The following SLC2A9 variants were observed in gnomAD, a reference collection of about 807,000 sequenced individuals.
SLC2A9 encodes solute carrier family 2 member 9, also known as solute carrier family 2, facilitated glucose transporter member 9.
SLC2A9 carries 39 observed loss-of-function variants against 50.6 expected under a neutral mutation model. The observed-to-expected ratio is 0.77, with a 90% CI of 0.60 to 1.01. The LOEUF is 1.01. Among genes scored for constraint, SLC2A9 ranks in the 50% least tolerant of loss-of-function variants. The pLI, the probability that SLC2A9 is intolerant of heterozygous loss-of-function variation, is 0.00. For synonymous variants in SLC2A9, 324 were observed against 276.9 expected, an observed-to-expected ratio of 1.17 and a Z score of -1.69; for missense variants, 686 against 677.6, an observed-to-expected ratio of 1.01 and a Z score of -0.14.
At chr4:9,845,783 T>G (rs1728895249) in intron 10 of SLC2A9, among the ~76,000 whole-genome samples, 1 of 152,214 alleles carries the variant, frequency 6.6e-6, no homozygotes, top group African/African-American at 2.4e-5. Context: ...CCTTAGAAAT[T>G]TCCTTAAGTG....
chr4:10,012,014 A>G (rs1481261199), intron 2 of SLC2A9, among the ~76,000 whole-genome samples: 1 of 152,264 alleles, frequency 6.6e-6, no homozygotes, highest in Non-Finnish European at 1.5e-5. Context: ...TTTCGTAAAT[A>G]AAATGTTATT....
rs567059752 is a variant in SLC2A9 at position 9,884,887 on chromosome 4, G to T, written c.1291+2680C>A. On this transcript the variant is annotated intron_variant, in intron 10 of 11. Transcript: ENST00000264784. ...CTTTGCAGGGACATGGATGGAGCTG[G>T]AAGCCATTATCCTCAGCAAACTAAC... Among the ~76,000 whole-genome samples, 3 of 152,286 alleles carry T rather than the reference G, an allele frequency of 2.0e-5. No homozygotes were observed. In the South Asian group the frequency reaches 6.2e-4, roughly 32 times the overall value.
chr4:9,825,241 C>T (rs769848686), downstream of SLC2A9, among the ~76,000 whole-genome samples: 1 of 152,186 alleles, frequency 6.6e-6, no homozygotes, highest in South Asian at 2.1e-4. Context: ...CGATGGCAGG[C>T]TGTAAGTAGA....
intron 8 of SLC2A9, among the ~76,000 whole-genome samples, chr4:9,901,326 C>T (rs1739574779): frequency 6.6e-6 from 1 of 152,092 alleles, no homozygotes; most frequent in African/African-American, 2.4e-5. Flanking sequence ...GCCATAGAAT[C>T]ATTATTTATC....
intron 3 of SLC2A9, among the ~76,000 whole-genome samples, chr4:9,793,062 C>T (rs143259552): frequency 4.2e-4 from 64 of 152,128 alleles, no homozygotes; most frequent in African/African-American, 1.3e-3. Context: ...TTAGTAGAGA[C>T]GGGGTTTCTC....
chr4:9,800,195 A>T (rs530647412), intron 3 of SLC2A9, among the ~76,000 whole-genome samples: 1 of 152,160 alleles, frequency 6.6e-6, no homozygotes, highest in Admixed American at 6.5e-5. Context: ...TGAAGCTTGA[A>T]CTCAGTGCAG....
intron 3 of SLC2A9, among the ~76,000 whole-genome samples, chr4:9,988,563 G>A (rs1326769723): frequency 6.6e-6 from 1 of 152,178 alleles, no homozygotes; most frequent in Non-Finnish European, 1.5e-5. Flanking sequence ...TTCAGAGCAG[G>A]ACTTTAATCA....
At chr4:9,775,196 G>A (rs1301230357), downstream of SLC2A9, among the ~76,000 whole-genome samples, 1 of 152,196 alleles carries the variant, frequency 6.6e-6, no homozygotes, top group Non-Finnish European at 1.5e-5. Flanking sequence ...TTGTGCTCTA[G>A]ACCAGAAAAC....
Position 10,039,782 on chromosome 4 carries a change from A to C in SLC2A9, c.-41+348T>G, listed in dbSNP as rs183417303. Among the ~76,000 whole-genome samples the C allele has an allele frequency of 3.0e-4, 46 of 152,256 alleles. 1 individual carries two copies. In the East Asian group the frequency reaches 3.9e-3, roughly 13 times the overall value. The stretch of plus-strand genomic sequence containing the variant: ...AGCATCCCTGGAGTCATCTTTCTCA[A>C]AAGCAGGCAGTGTCATTGCTTCTCT... On this transcript the variant is annotated intron_variant, in intron 1 of 12. Transcript: ENST00000309065.
At chr4:9,783,718 G>C (rs1390592239) in intron 3 of SLC2A9, 18 of 413,856 alleles carry the variant, frequency 4.3e-5, no homozygotes, top group Non-Finnish European at 6.2e-5. Context: ...AGAGAGTATG[G>C]TGCTGGGTCC....
chr4:9,795,225 GTAC>G (rs1380216712), downstream of SLC2A9, among the ~76,000 whole-genome samples: 1 of 151,584 alleles, frequency 6.6e-6, no homozygotes, highest in Non-Finnish European at 1.5e-5. Context: ...GTTGGCCAGG[GTAC>G]CTCGATCTCT....
Position 9,826,389 on chromosome 4 carries a change from G to T in SLC2A9, c.*8C>A. 6.2e-7 allele frequency: 1 copy of T among 1,613,906 alleles called. No homozygotes were observed. Among genetic ancestry groups the T allele is most frequent in the Middle Eastern group, 1.7e-4 (1 of 6,060 alleles). On this transcript the variant is annotated 3_prime_UTR_variant, in exon 12 of 12. Transcript: ENST00000264784. ...GACATAATTGTCCAACGTGGAGGAG[G>T]AAACTTGTTAAGGCCTTCCATTTAT...
intron 6 of SLC2A9, among the ~76,000 whole-genome samples, chr4:9,931,954 CTCTCTCTCTATA>C (rs1385347098): frequency 3.2e-4 from 16 of 50,552 alleles, no homozygotes; most frequent in South Asian, 9.1e-4. Context: ...CTCTCTCTCT[CTCTCTCTCTATA>C]TATATATATA....
chr4:9,782,918 A>C (rs2227851), intron 3 of SLC2A9: 4 of 1,613,858 alleles, frequency 2.5e-6, no homozygotes, highest in Non-Finnish European at 3.4e-6. Flanking sequence ...GGTTCTCAAG[A>C]CCCTGTCGGT....
chr4:9,973,319 T>C (rs951197852), intron 5 of SLC2A9, among the ~76,000 whole-genome samples: 4 of 151,864 alleles, frequency 2.6e-5, no homozygotes, highest in Non-Finnish European at 5.9e-5. Context: ...TACCAACCAA[T>C]AAAAGCCCTG....
At chr4:9,936,906 C>A (rs1577975149) in intron 6 of SLC2A9, among the ~76,000 whole-genome samples, 1 of 152,320 alleles carries the variant, frequency 6.6e-6, no homozygotes, top group South Asian at 2.1e-4. Flanking sequence ...TTGGGACTAT[C>A]ATGTCATCCC....
At chr4:9,980,454 C>T (rs1255891597) in intron 5 of SLC2A9, 138 bp downstream of exon 5, 5 of 1,165,198 alleles carry the variant, frequency 4.3e-6, no homozygotes, top group African/African-American at 1.5e-5. Flanking sequence ...AACTCCACAA[C>T]TTTTCTCCAA....
chr4:9,886,276 G>A (rs947248629), intron 10 of SLC2A9, among the ~76,000 whole-genome samples: 12 of 152,340 alleles, frequency 7.9e-5, no homozygotes, highest in African/African-American at 2.4e-4. Flanking sequence ...AGGTTGTGAT[G>A]CAGATGCCCT....
chr4:9,828,533 G>A (rs896336900), intron 11 of SLC2A9, among the ~76,000 whole-genome samples: 2 of 152,118 alleles, frequency 1.3e-5, no homozygotes, highest in Admixed American at 6.5e-5. Context: ...TTATTTCTCT[G>A]ATCTTACTCT....
Sources: gnomAD v4.1 joint callset for allele counts (sites outside exome capture counted in the v4.1 genomes callset) on GRCh38, gnomAD v4.1.1 for gene constraint, MANE v1.5 for transcripts, NCBI Gene and HGNC (gene_info 2026-07-23, HGNC 2026-07-21) for gene names.